Variants in MINPP1 observed in about 807,000 individuals in gnomAD.
MINPP1 encodes the protein multiple inositol-polyphosphate phosphatase 1.
MINPP1 carries 28 observed loss-of-function variants against 46.1 expected under a neutral mutation model. That is an observed-to-expected ratio of 0.61 (90% CI 0.45 to 0.83). The LOEUF (loss-of-function observed/expected upper bound fraction) is 0.83, where lower values mean the gene tolerates loss of function less well. Among genes scored for constraint, MINPP1 ranks in the 40% least tolerant of loss-of-function variants. MINPP1 has a pLI of 0.00. For missense variants in MINPP1, 603 were observed against 610.0 expected (o/e 0.99, Z 0.12); for synonymous variants, 268 against 249.1 (o/e 1.08, Z -0.72).
At position 87,521,128 on chromosome 10, in the gene MINPP1, T is replaced by C. The variant is rs775761554; in HGVS notation, c.1026T>C (p.Asp342=). Residue 342 remains aspartate, a synonymous_variant, in exon 4 of 5, where the codon GAT becomes GAC. Transcript: ENST00000371996. Reference sequence around the variant, plus strand: ...GATCCAGCTGCACCTTGTTTCAGGATATCTTTCAGCACTTGGACAAAGCAG... The same window carrying C: ...GATCCAGCTGCACCTTGTTTCAGGACATCTTTCAGCACTTGGACAAAGCAG... ...NSRSSCTLFQ[D]IFQHLDKAVE... is the part of the protein sequence containing the mutation. 6 of 1,611,086 alleles carry C rather than the reference T, an allele frequency of 3.7e-6. No homozygotes were observed. The highest frequency in any genetic ancestry group is 5.1e-6 in the Non-Finnish European group (6 of 1,177,952).
intron 3 of MINPP1, among the ~76,000 whole-genome samples, chr10:87,514,973 C>G (rs1851392297): frequency 6.6e-6 from 1 of 151,894 alleles, no homozygotes; most frequent in South Asian, 2.1e-4. Context: ...GCCTGGGCCC[C>G]CCAAAGTGCT....
intron 4 of MINPP1, among the ~76,000 whole-genome samples, chr10:87,536,058 A>G (rs1190815255): frequency 1.3e-5 from 2 of 152,234 alleles, no homozygotes; most frequent in Non-Finnish European, 2.9e-5. Context: ...AACATAGACA[A>G]GTAAAGTCTA....
chr10:87,549,085 A>G (rs1274925776), intron 4 of MINPP1, among the ~76,000 whole-genome samples: 1 of 152,200 alleles, frequency 6.6e-6, no homozygotes, highest in Non-Finnish European at 1.5e-5. Flanking sequence ...ATTTTTAAGT[A>G]TAATTTTCCT....
intron 4 of MINPP1, among the ~76,000 whole-genome samples, chr10:87,534,114 A>G (rs775823113): frequency 7.6e-6 from 1 of 131,288 alleles, no homozygotes; most frequent in African/African-American, 3.0e-5. Flanking sequence ...GTGCAGTGAC[A>G]TCGTCTCGGC....
At chr10:87,530,519 A>G (rs1851643415) in intron 4 of MINPP1, among the ~76,000 whole-genome samples, 1 of 117,868 alleles carries the variant, frequency 8.5e-6, no homozygotes, top group Non-Finnish European at 2.1e-5. Flanking sequence ...CGGAGGCTGC[A>G]GAACAGCAAA....
intron 4 of MINPP1, among the ~76,000 whole-genome samples, chr10:87,534,042 A>ATTTTTTTTTT (rs58579107): frequency 1.8e-5 from 1 of 55,374 alleles, no homozygotes; most frequent in African/African-American, 7.4e-5. Context: ...CTGGCTAAAT[A>ATTTTTTTTTT]TTTTTTTTTT....
intron 4 of MINPP1, among the ~76,000 whole-genome samples, chr10:87,527,998 G>T (rs560368495): frequency 1.8e-4 from 28 of 152,300 alleles, no homozygotes; most frequent in Middle Eastern, 3.4e-3. Flanking sequence ...TTTGCGTAGA[G>T]ATGTTTATAC....
At position 87,505,020 on chromosome 10, in the gene MINPP1, G is replaced by T; in HGVS notation, c.105G>T (p.Pro35=). The T allele has an allele frequency of 2.5e-6, 4 of 1,613,126 alleles. No individual in the cohort carries two copies. Among genetic ancestry groups the T allele is most frequent in the Non-Finnish European group, 3.4e-6 (4 of 1,179,894 alleles). Residue 35 remains proline (P), a synonymous_variant, in exon 1 of 5, where the codon CCG becomes CCT. Transcript: ENST00000371996. The surrounding 1 kb of genome is among the most constrained non-coding windows in gnomAD (Gnocchi z 4.4). ...SSLARCSLLE[P]RDPVASSLSP... ...TTGCGCGCTGCTCTCTTCTAGAGCC[G>T]AGGGACCCGGTGGCCTCGTCGCTCA...
At chr10:87,530,786 G>A (rs1049210501) in intron 4 of MINPP1, among the ~76,000 whole-genome samples, 6 of 152,158 alleles carry the variant, frequency 3.9e-5, no homozygotes, top group Non-Finnish European at 5.9e-5. Flanking sequence ...GTTCAGCTAC[G>A]CCCTGCCCCC....
intron 4 of MINPP1, among the ~76,000 whole-genome samples, chr10:87,529,483 G>C (rs1851625936): frequency 6.6e-6 from 1 of 152,136 alleles, no homozygotes; most frequent in Non-Finnish European, 1.5e-5. Context: ...AGTTTGGCTG[G>C]ATATGAAATT....
chr10:87,532,392 A>G (rs1172000116), intron 4 of MINPP1, among the ~76,000 whole-genome samples: 1 of 152,274 alleles, frequency 6.6e-6, no homozygotes, highest in Non-Finnish European at 1.5e-5. Flanking sequence ...AAAGCCATGT[A>G]TAATGATATA....
intron 1 of MINPP1, among the ~76,000 whole-genome samples, chr10:87,506,854 T>C (rs970453267): frequency 6.6e-6 from 1 of 152,266 alleles, no homozygotes; most frequent in Non-Finnish European, 1.5e-5. Context: ...TGATTCTGTG[T>C]CATGTTATTG....
chr10:87,520,756 T>C (rs948318752), intron 3 of MINPP1, among the ~76,000 whole-genome samples: 3 of 152,128 alleles, frequency 2.0e-5, no homozygotes, highest in Non-Finnish European at 2.9e-5. Context: ...TCCACTCTCT[T>C]GAGCTGTCCT....
At chr10:87,536,066 C>T (rs925990849) in intron 4 of MINPP1, among the ~76,000 whole-genome samples, 1 of 152,210 alleles carries the variant, frequency 6.6e-6, no homozygotes, top group East Asian at 1.9e-4. Flanking sequence ...CAAGTAAAGT[C>T]TATTGTTATT....
At chr10:87,536,065 T>A (rs1851731464) in intron 4 of MINPP1, among the ~76,000 whole-genome samples, 1 of 152,222 alleles carries the variant, frequency 6.6e-6, no homozygotes. Flanking sequence ...ACAAGTAAAG[T>A]CTATTGTTAT....
intron 4 of MINPP1, chr10:87,546,737 G>A (rs962422867): frequency 1.3e-5 from 2 of 152,112 alleles, no homozygotes; most frequent in Non-Finnish European, 2.9e-5. Flanking sequence ...GACCAGCTTG[G>A]GCAACAAGCT....
intron 2 of MINPP1, among the ~76,000 whole-genome samples, chr10:87,509,470 G>A (rs1439365152): frequency 6.6e-6 from 1 of 152,104 alleles, no homozygotes; most frequent in Non-Finnish European, 1.5e-5. Context: ...ACTTTATTGG[G>A]AAATAATTCA....
chr10:87,547,654 G>A (rs1334457658), intron 4 of MINPP1, among the ~76,000 whole-genome samples: 1 of 152,178 alleles, frequency 6.6e-6, no homozygotes, highest in Non-Finnish European at 1.5e-5. Context: ...AATGAAATGA[G>A]TTTGTTACTT....
intron 4 of MINPP1, among the ~76,000 whole-genome samples, chr10:87,537,510 T>TG (rs869173108): frequency 8.5e-6 from 1 of 117,802 alleles, no homozygotes; most frequent in Non-Finnish European, 1.6e-5. Context: ...TTTATTACTG[T>TG]TTGTGTGTGT....
Sources: gnomAD v4.1 joint callset for allele counts (sites outside exome capture counted in the v4.1 genomes callset) on GRCh38, gnomAD v4.1.1 for gene constraint, Gnocchi (gnomAD v3.1) non-coding constraint, MANE v1.5 for transcripts, NCBI Gene and HGNC (gene_info 2026-07-23, HGNC 2026-07-21) for gene names.